ANKS3: variants seen among roughly 807,000 people sequenced by gnomAD.
The protein encoded by ANKS3 is ankyrin repeat and SAM domain-containing protein 3.
ANKS3 carries 62 observed loss-of-function variants against 80.7 expected under a neutral mutation model. That is an observed-to-expected ratio of 0.77 (90% CI 0.63 to 0.95). ANKS3 has a LOEUF of 0.95. Among genes scored for constraint, ANKS3 ranks in the 40% least tolerant of loss-of-function variants. The probability of loss-of-function intolerance (pLI) is 0.00; values close to 1 mark genes in which losing one functional copy is unlikely to be tolerated. For missense variants in ANKS3, 1,150 were observed against 883.6 expected (o/e 1.30, Z -3.82); for synonymous variants, 489 against 355.3 (o/e 1.38, Z -4.23).
chr16:4,699,430 A>G, intron 11 of ANKS3: 1 of 526,656 alleles, frequency 1.9e-6, no homozygotes, highest in South Asian at 2.0e-5. Context: ...TCCTCCTCCC[A>G]CACATGCTCA....
chr16:4,701,029 C>T lies in ANKS3; in HGVS notation c.1225G>A (p.Glu409Lys). ...GGGCTGGACTCAGCGAGAAAGCCTT[C>T]CCTGTCAGTTGCAGCGCGGGGAGGC... Reference protein sequence around the residue: ...QWPPRAATDREGFLAESSPQT... With the variant: ...QWPPRAATDRKGFLAESSPQT... Residue 409 changes from glutamate (E) to lysine (K), a missense_variant, in exon 11 of 18, where the codon GAA becomes AAA. Transcript: ENST00000304283. 2 of 1,614,096 alleles carry T rather than the reference C, an allele frequency of 1.2e-6. No individual in the cohort carries two copies. The highest frequency in any genetic ancestry group is 1.7e-6 in the Non-Finnish European group (2 of 1,180,028).
At chr16:4,733,139 T>G (rs2081743049) in intron 1 of ANKS3, among the ~76,000 whole-genome samples, 1 of 119,916 alleles carries the variant, frequency 8.3e-6, no homozygotes, top group African/African-American at 3.3e-5. Context: ...ACAGAATGAA[T>G]AAGATCTAGT....
At chr16:4,721,472 G>C (rs1217527672) in intron 6 of ANKS3, among the ~76,000 whole-genome samples, 2 of 149,888 alleles carry the variant, frequency 1.3e-5, no homozygotes, top group Non-Finnish European at 3.0e-5. Context: ...TTGGCTGGGC[G>C]TGGTGGCACG....
At chr16:4,718,057 G>T (rs1221545392) in intron 6 of ANKS3, among the ~76,000 whole-genome samples, 1 of 151,196 alleles carries the variant, frequency 6.6e-6, no homozygotes, top group African/African-American at 2.4e-5. Flanking sequence ...TTACAGGCAT[G>T]AGCCACCATG....
chr16:4,713,049 C>T (rs901848244), intron 7 of ANKS3, among the ~76,000 whole-genome samples: 2 of 152,082 alleles, frequency 1.3e-5, no homozygotes, highest in Non-Finnish European at 2.9e-5. Context: ...ATGGGTGGAT[C>T]ACCTGAGGTT....
chr16:4,711,276 T>C (rs2080469941), intron 7 of ANKS3, among the ~76,000 whole-genome samples: 1 of 151,592 alleles, frequency 6.6e-6, no homozygotes, highest in Admixed American at 6.6e-5. Flanking sequence ...GCTAATTTTA[T>C]ATTTTTAGTA....
intron 8 of ANKS3, among the ~76,000 whole-genome samples, chr16:4,702,947 G>A (rs1413241810): frequency 6.6e-6 from 1 of 152,140 alleles, no homozygotes; most frequent in Non-Finnish European, 1.5e-5. Flanking sequence ...AGCCTTCAGT[G>A]AGCTATGATC....
At chr16:4,697,180 G>A in intron 16 of ANKS3, 76 bp from the exon 17 acceptor site, 3 of 1,572,332 alleles carry the variant, frequency 1.9e-6, no homozygotes, top group Non-Finnish European at 2.6e-6. Flanking sequence ...GGTCTCAGCT[G>A]CAGGATGTGA....
intron 7 of ANKS3, 34 bp from the exon 8 acceptor site, chr16:4,705,287 T>C: frequency 6.2e-7 from 1 of 1,609,188 alleles, no homozygotes; most frequent in South Asian, 1.1e-5. Context: ...GATAGTGTGT[T>C]CAGTAATGGA....
At chr16:4,716,382 A>AAT (rs2080796074) in intron 6 of ANKS3, among the ~76,000 whole-genome samples, 1 of 151,016 alleles carries the variant, frequency 6.6e-6, no homozygotes, top group Non-Finnish European at 1.5e-5. Context: ...AAAAAAAAAA[A>AAT]ATCACAACCC....
chr16:4,700,441 C>G, intron 11 of ANKS3: 1 of 221,076 alleles, frequency 4.5e-6, no homozygotes, highest in East Asian at 1.3e-4. Flanking sequence ...AATAACCAAC[C>G]AGAGCTTCCC....
intron 8 of ANKS3, 111 bp downstream of exon 8, chr16:4,704,984 C>G: frequency 6.9e-7 from 1 of 1,441,236 alleles, no homozygotes; most frequent in South Asian, 1.3e-5. Flanking sequence ...CCCGCTGCCA[C>G]CTGAGGTCCA....
In ANKS3 at chr16:4,734,019, CA is replaced by C; in HGVS notation, c.-153del. 1.0e-6 allele frequency: 1 copy of C among 985,410 alleles called. No homozygotes were observed. The highest frequency in any genetic ancestry group is 4.7e-5 in the South Asian group (1 of 21,290). 61.0% of individuals were successfully genotyped at this position (985,410 alleles called of 1,614,324 possible). On this transcript the variant is annotated 5_prime_UTR_variant, in exon 1 of 18. An upstream open reading frame in the 5' UTR gains an earlier in-frame stop. Transcript: ENST00000304283. ...ACAGGGCATTACTGTGCCCCCACCACAACCACATAAAGAAAATGTGGGGGCT... is the reference window on the plus strand; with the variant it reads ...ACAGGGCATTACTGTGCCCCCACCACACCACATAAAGAAAATGTGGGGGCT...
At chr16:4,701,932 G>A in intron 9 of ANKS3, 170 bp downstream of exon 9, 1 of 827,102 alleles carries the variant, frequency 1.2e-6, no homozygotes, top group Non-Finnish European at 1.8e-6. Flanking sequence ...TGCTGGACCA[G>A]AAGCTTCTCC....
Position 4,714,031 on chromosome 16 carries a change from C to T in ANKS3, c.709+20G>A, listed in dbSNP as rs746420614. 17 of 1,613,008 alleles carry T rather than the reference C, an allele frequency of 1.1e-5. No homozygotes were observed. The East Asian group carries it at 1.1e-4, about 11-fold the overall frequency. ...GGCAACCAGAGACCCCAGCAGGGCGCGGCTGGCAGGTGTGGGTACCTGGGC... is the reference window on the plus strand; with the variant it reads ...GGCAACCAGAGACCCCAGCAGGGCGTGGCTGGCAGGTGTGGGTACCTGGGC... On this transcript the variant is annotated intron_variant, in intron 7 of 17. Coordinates refer to ENST00000304283, the MANE Select transcript of ANKS3 (RefSeq NM_133450.4).
chr16:4,702,043 C>A (rs200080592), intron 9 of ANKS3, 59 bp downstream of exon 9: 642 of 1,512,232 alleles, frequency 4.2e-4, no homozygotes, highest in Non-Finnish European at 5.4e-4. Flanking sequence ...TGGGGATGGG[C>A]ACACAGGAGC....
chr16:4,730,007 T>C lies in ANKS3; in HGVS notation c.143A>G (p.Tyr48Cys). The C allele has an allele frequency of 1.9e-6, 3 of 1,560,114 alleles. No individual in the cohort carries two copies. Among genetic ancestry groups the C allele is most frequent in the Non-Finnish European group, 2.6e-6 (3 of 1,147,256 alleles). ...CTGCACACACTCCTTCACCACTTCATACTGGCCAATGGAAGCAGCTGTGTG... is the reference window on the plus strand; with the variant it reads ...CTGCACACACTCCTTCACCACTTCACACTGGCCAATGGAAGCAGCTGTGTG... ...DLHTAASIGQ[Y>C]EVVKECVQRR... is the part of the protein sequence containing the mutation. Residue 48 changes from tyrosine (Y) to cysteine (C), a missense_variant, in exon 3 of 18, where the codon TAT (tyrosine) becomes TGT (cysteine). Coordinates refer to ENST00000304283, the MANE Select transcript of ANKS3 (RefSeq NM_133450.4).
chr16:4,733,850 G>A, intron 1 of ANKS3, 88 bp downstream of exon 1: 5 of 885,370 alleles, frequency 5.6e-6, no homozygotes, highest in East Asian at 1.2e-4. Flanking sequence ...AAAGCACCCA[G>A]GCACCCCCTC....
chr16:4,701,528 C>G lies in ANKS3; in HGVS notation c.1025G>C (p.Cys342Ser). ...GCTCTGGACGGGCCCCAGGTTGGCA[C>G]AGAAAGCATGTTCCTCTGAGGGCGG... ...SSSSREEHAF[C>S]ANLGPVQSSS... Residue 342 changes from cysteine to serine, a missense_variant, in exon 10 of 18, where the codon TGT becomes TCT. Physicochemically the swap from Cys to Ser is moderately radical, Grantham distance 112 (BLOSUM62 -1). Transcript: ENST00000304283. 1 of 1,610,854 alleles carries G rather than the reference C, an allele frequency of 6.2e-7. No individual in the cohort carries two copies. The highest frequency in any genetic ancestry group is 8.5e-7 in the Non-Finnish European group (1 of 1,178,396).
Sources: gnomAD v4.1 joint callset for allele counts (sites outside exome capture counted in the v4.1 genomes callset) on GRCh38, gnomAD v4.1.1 for gene constraint, MANE v1.5 for transcripts, NCBI Gene and HGNC (gene_info 2026-07-23, HGNC 2026-07-21) for gene names.